Variants in RPF2 observed in about 807,000 individuals in gnomAD.
RPF2 encodes brix domain containing 1.
Under a neutral mutation model 38.9 loss-of-function variants are expected in RPF2, and 21 were observed. The ratio of observed to expected loss-of-function variants is 0.54; its 90% confidence interval spans 0.38 to 0.78. The LOEUF is 0.78. RPF2 is among the 30% of genes least tolerant of loss of function. RPF2 has a pLI of 0.00. For synonymous variants in RPF2, 121 were observed against 126.2 expected (o/e 0.96, Z 0.28); for missense variants, 314 against 358.1 (o/e 0.88, Z 0.99).
intron 6 of RPF2, among the ~76,000 whole-genome samples, chr6:111,002,839 G>A (rs1028643141): frequency 1.3e-5 from 2 of 151,800 alleles, no homozygotes; most frequent in African/African-American, 4.8e-5. Context: ...CATGATCTCG[G>A]CTCACTACAA....
chr6:111,019,579 A>T (rs1197064698), intron 8 of RPF2, among the ~76,000 whole-genome samples: 3 of 152,094 alleles, frequency 2.0e-5, no homozygotes, highest in South Asian at 4.1e-4. Context: ...GCTACTAAAA[A>T]TACAAAAATT....
intron 2 of RPF2, among the ~76,000 whole-genome samples, chr6:110,986,474 C>CA: frequency 6.6e-6 from 1 of 152,142 alleles, no homozygotes; most frequent in South Asian, 2.1e-4. Flanking sequence ...GCCTGATGGG[C>CA]AATAATGCCA....
chr6:110,997,156 C>G (rs1396326874), intron 4 of RPF2, 27 bp from the exon 5 acceptor site: 1 of 1,379,764 alleles, frequency 7.2e-7, no homozygotes. Flanking sequence ...TATGCATGGA[C>G]TAAATGGGAT....
At chr6:111,021,595 C>T (rs1180738929) in intron 8 of RPF2, among the ~76,000 whole-genome samples, 1 of 152,176 alleles carries the variant, frequency 6.6e-6, no homozygotes, top group Non-Finnish European at 1.5e-5. Flanking sequence ...GTCACCACTT[C>T]TCAGGGTCTT....
chr6:111,000,682 G>A (rs182695147), intron 6 of RPF2, among the ~76,000 whole-genome samples: 1 of 152,284 alleles, frequency 6.6e-6, no homozygotes, highest in Non-Finnish European at 1.5e-5. Flanking sequence ...TCTGCTTCAG[G>A]CTTAATCTAT....
rs1554251215 is a variant in RPF2, at chr6:111,026,017, A to ACTT, written c.*436_*438dup. On this transcript the variant is annotated 3_prime_UTR_variant, in exon 10 of 10. Coordinates refer to ENST00000441448, the MANE Select transcript of RPF2 (RefSeq NM_032194.3). ...ATCTACATTCTGATTTTTATTTTCT[A>ACTT]CTTTTATTTTGCCTGAAATCCTACT... The ACTT allele has an allele frequency of 6.6e-6, 1 of 152,040 alleles. No individual in the cohort carries two copies. The highest frequency in any genetic ancestry group is 2.4e-5 in the African/African-American group (1 of 41,200). The allele number at this position is 152,040 out of a possible 1,614,324, so 9.4% of individuals were successfully genotyped here. A position where few individuals can be genotyped will look rare whatever the true frequency, so the allele number is the denominator to read the frequency against.
In RPF2 at chr6:111,025,613, G is replaced by T; in HGVS notation, c.*31G>T. On this transcript the variant is annotated 3_prime_UTR_variant, in exon 10 of 10. Coordinates refer to ENST00000441448, the MANE Select transcript of RPF2 (RefSeq NM_032194.3). ...CTTAGCCAGCCACTACTGTTTCATTGTGTTCTACTTAAGAGAATTATCAAG... is the reference window on the plus strand; with the variant it reads ...CTTAGCCAGCCACTACTGTTTCATTTTGTTCTACTTAAGAGAATTATCAAG... The T allele has an allele frequency of 6.5e-7, 1 of 1,533,628 alleles. No homozygotes were observed. Among genetic ancestry groups the T allele is most frequent in the Non-Finnish European group, 8.9e-7 (1 of 1,123,610 alleles).
chr6:110,994,719 T>A (rs990969295), intron 4 of RPF2, among the ~76,000 whole-genome samples: 1 of 92,638 alleles, frequency 1.1e-5, no homozygotes, highest in Non-Finnish European at 2.0e-5. Context: ...TTGTGGAGAA[T>A]GGGATGAGTA....
intron 8 of RPF2, among the ~76,000 whole-genome samples, chr6:111,017,780 G>A (rs1319202656): frequency 2.0e-5 from 3 of 151,240 alleles, no homozygotes; most frequent in Admixed American, 2.0e-4. Context: ...GGGCAGCCAG[G>A]CAGAGACGCT....
At chr6:111,023,606 TAAGC>T (rs989981129) in intron 8 of RPF2, among the ~76,000 whole-genome samples, 1 of 152,092 alleles carries the variant, frequency 6.6e-6, no homozygotes, top group Non-Finnish European at 1.5e-5. Context: ...TTTTTAAAAA[TAAGC>T]AAACTGCCCT....
intron 6 of RPF2, among the ~76,000 whole-genome samples, chr6:111,002,263 C>T (rs544721789): frequency 9.9e-4 from 151 of 152,274 alleles, no homozygotes; most frequent in South Asian, 3.5e-3. Flanking sequence ...CTGGGTGACA[C>T]AGCAAGACTT....
In RPF2 at chr6:110,997,258, G is replaced by T. The variant is rs1771731587; in HGVS notation, c.310G>T (p.Val104Leu). The stretch of plus-strand genomic sequence containing the variant: ...TAATAAGAAGCGGCCAAATAATCTA[G>T]TAATAGGTAAGTATAATTTACTTTT... ...SHNKKRPNNL[V>L]IGRMYDYHVL... Residue 104 changes from valine (V) to leucine (L), a missense_variant, in exon 5 of 10, where the codon GTA becomes TTA. Val to Leu is a conservative substitution (Grantham distance 32, BLOSUM62 1). Coordinates refer to ENST00000441448, the MANE Select transcript of RPF2 (RefSeq NM_032194.3). 43 of 1,558,668 alleles carry T rather than the reference G, an allele frequency of 2.8e-5. No individual in the cohort carries two copies. The highest frequency in any genetic ancestry group is 3.5e-5 in the Non-Finnish European group (40 of 1,132,094).
intron 8 of RPF2, among the ~76,000 whole-genome samples, chr6:111,017,199 C>T (rs557785877): frequency 3.2e-4 from 48 of 152,336 alleles, no homozygotes; most frequent in Middle Eastern, 3.4e-3. Flanking sequence ...CTGTTGGGTA[C>T]ACCTCCCAGA....
At chr6:111,017,745 A>C (rs1772153163) in intron 8 of RPF2, among the ~76,000 whole-genome samples, 1 of 147,466 alleles carries the variant, frequency 6.8e-6, no homozygotes, top group African/African-American at 2.6e-5. Context: ...AGCCGGGCAG[A>C]GGGGCTCCTC....
intron 4 of RPF2, among the ~76,000 whole-genome samples, chr6:110,993,411 G>A (rs1771654614): frequency 6.6e-6 from 1 of 151,996 alleles, no homozygotes; most frequent in Non-Finnish European, 1.5e-5. Flanking sequence ...AATTAAGATA[G>A]TATTGATAAA....
intron 7 of RPF2, among the ~76,000 whole-genome samples, chr6:111,008,831 A>G (rs970241917): frequency 2.7e-5 from 4 of 150,458 alleles, no homozygotes; most frequent in Admixed American, 2.0e-4. Flanking sequence ...TCCAGTTTCT[A>G]CTATTCATTT....
At chr6:110,987,827 A>C (rs1321473516) in intron 2 of RPF2, among the ~76,000 whole-genome samples, 1 of 152,074 alleles carries the variant, frequency 6.6e-6, no homozygotes, top group Non-Finnish European at 1.5e-5. Flanking sequence ...CATCTTTGTT[A>C]TTCTCTATGG....
At chr6:110,985,548 C>G (rs1044444796) in intron 2 of RPF2, among the ~76,000 whole-genome samples, 2 of 152,174 alleles carry the variant, frequency 1.3e-5, no homozygotes, top group East Asian at 1.9e-4. Context: ...AGGTGAGACA[C>G]AGTTCTTTCA....
chr6:110,995,495 A>G (rs1008916872), intron 4 of RPF2, among the ~76,000 whole-genome samples: 52 of 152,198 alleles, frequency 3.4e-4, no homozygotes, highest in African/African-American at 1.2e-3. Flanking sequence ...AATGATAACC[A>G]AACTAGGGGC....
Sources: gnomAD v4.1 joint callset for allele counts (sites outside exome capture counted in the v4.1 genomes callset) on GRCh38, gnomAD v4.1.1 for gene constraint, MANE v1.5 for transcripts, NCBI Gene and HGNC (gene_info 2026-07-23, HGNC 2026-07-21) for gene names.